ZFHX3: variants seen among roughly 807,000 people sequenced by gnomAD.
ZFHX3 encodes zinc finger homeobox 3.
A neutral mutation model predicts 279.1 loss-of-function variants in ZFHX3; 42 were observed. That is an observed-to-expected ratio of 0.15 (90% CI 0.12 to 0.19). ZFHX3 has a LOEUF of 0.19. Among genes scored for constraint, ZFHX3 ranks in the 10% least tolerant of loss-of-function variants. The pLI is 1.00. For missense variants in ZFHX3, 4,981 were observed against 4,754.0 expected (o/e 1.05, Z -1.40); for synonymous variants, 2,293 against 1,957.8 (o/e 1.17, Z -4.52).
intron 1 of ZFHX3, among the ~76,000 whole-genome samples, chr16:73,725,826 C>A (rs1037310621): frequency 6.6e-6 from 1 of 152,186 alleles, no homozygotes; most frequent in Non-Finnish European, 1.5e-5. Context: ...AGGCACCATA[C>A]CTTTATGCCA....
intron 1 of ZFHX3, among the ~76,000 whole-genome samples, chr16:73,816,473 G>A (rs571216490): frequency 1.3e-5 from 2 of 152,258 alleles, no homozygotes; most frequent in South Asian, 2.1e-4. Context: ...ATTCATTTAT[G>A]TATCATCTGT....
chr16:73,161,914 C>T (rs979960563), intron 5 of ZFHX3, among the ~76,000 whole-genome samples: 6 of 152,170 alleles, frequency 3.9e-5, no homozygotes, highest in Non-Finnish European at 8.8e-5. Flanking sequence ...AGGGGTGTGT[C>T]TCTAAGAAAC....
At chr16:73,257,985 C>T (rs1387440931) in intron 4 of ZFHX3, among the ~76,000 whole-genome samples, 2 of 152,294 alleles carry the variant, frequency 1.3e-5, no homozygotes, top group Non-Finnish European at 2.9e-5. Flanking sequence ...GCATTTCTGG[C>T]CTCCAGATGC....
chr16:72,837,391 A>G (rs2037219112), intron 4 of ZFHX3, among the ~76,000 whole-genome samples: 1 of 152,116 alleles, frequency 6.6e-6, no homozygotes, highest in Admixed American at 6.5e-5. Context: ...AACAGATTTC[A>G]GCCCTCTAAA....
At chr16:73,019,635 C>T (rs558490861) in intron 1 of ZFHX3, among the ~76,000 whole-genome samples, 14 of 152,322 alleles carry the variant, frequency 9.2e-5, no homozygotes, top group South Asian at 2.1e-4. Flanking sequence ...AGACTGTCTG[C>T]TCTAAAGGGC....
chr16:73,136,047 G>A (rs377247774), intron 6 of ZFHX3, among the ~76,000 whole-genome samples: 3 of 152,136 alleles, frequency 2.0e-5, no homozygotes, highest in South Asian at 4.2e-4. Flanking sequence ...TAGTAGAGAC[G>A]GGGTTTAACC....
In ZFHX3 at chr16:72,889,914, G is replaced by T. The variant is rs1463790531; in HGVS notation, c.3265C>A (p.His1089Asn). ...SGVEGESCYY[H>N]CVLCNYSTKA... The stretch of plus-strand genomic sequence containing the variant: ...GTGGAGTAGTTGCACAGAACGCAGT[G>T]GTAGTAGCAGCTCTCACCTTCTACA... The change falls in exon 4 of 10, where the codon CAC (histidine) becomes AAC (asparagine). Residue 1089 changes from histidine (H) to asparagine (N), a missense_variant. Transcript: ENST00000268489. The T allele has an allele frequency of 3.7e-6, 6 of 1,614,114 alleles. No homozygotes were observed. The highest frequency in any genetic ancestry group is 4.2e-6 in the Non-Finnish European group (5 of 1,180,036).
chr16:73,592,322 A>G (rs1332902532), intron 2 of ZFHX3, among the ~76,000 whole-genome samples: 3 of 152,220 alleles, frequency 2.0e-5, no homozygotes, highest in African/African-American at 7.2e-5. Context: ...AAATAAAAAC[A>G]TGTACAGATT....
chr16:72,874,468 C>T (rs2038255331), intron 4 of ZFHX3, among the ~76,000 whole-genome samples: 1 of 152,046 alleles, frequency 6.6e-6, no homozygotes, highest in African/African-American at 2.4e-5. Context: ...TCCCAAAGTG[C>T]TGAGATTGTA....
intron 5 of ZFHX3, among the ~76,000 whole-genome samples, chr16:72,820,519 G>A (rs1191220598): frequency 6.6e-6 from 1 of 152,202 alleles, no homozygotes; most frequent in African/African-American, 2.4e-5. Flanking sequence ...CTGCCACCGT[G>A]AGCCCGGCTC....
At chr16:73,888,008 A>C (rs2030404933) in intron 1 of ZFHX3, among the ~76,000 whole-genome samples, 1 of 152,204 alleles carries the variant, frequency 6.6e-6, no homozygotes, top group Non-Finnish European at 1.5e-5. Context: ...CAAACTCAGC[A>C]GCAAGATAAA....
intron 4 of ZFHX3, among the ~76,000 whole-genome samples, chr16:73,299,952 C>T (rs1020374962): frequency 6.6e-6 from 1 of 152,152 alleles, no homozygotes; most frequent in Non-Finnish European, 1.5e-5. Flanking sequence ...TTTGTGTTCT[C>T]ATCTGAAGTC....
intron 2 of ZFHX3, among the ~76,000 whole-genome samples, chr16:73,653,877 T>G (rs1567543324): frequency 6.6e-6 from 1 of 152,082 alleles, no homozygotes; most frequent in Non-Finnish European, 1.5e-5. Flanking sequence ...CTGCAGATGG[T>G]GCCATCATTA....
At chr16:72,957,180 A>G (rs1961289467) in intron 2 of ZFHX3, among the ~76,000 whole-genome samples, 1 of 152,244 alleles carries the variant, frequency 6.6e-6, no homozygotes, top group East Asian at 1.9e-4. Context: ...AAACACTCAC[A>G]TTTTAATCCT....
intron 1 of ZFHX3, among the ~76,000 whole-genome samples, chr16:73,057,535 C>CAA (rs60945619): frequency 8.8e-5 from 11 of 125,254 alleles, no homozygotes; most frequent in African/African-American, 2.4e-4. Flanking sequence ...TTCGCGAGAG[C>CAA]AAAAAAAAAA....
chr16:72,857,695 AAAAAC>A (rs59492312), intron 4 of ZFHX3, among the ~76,000 whole-genome samples: 2 of 151,828 alleles, frequency 1.3e-5, no homozygotes, highest in South Asian at 2.1e-4. Context: ...TGTAATTGAC[AAAAAC>A]AAAACAAAAC....
chr16:73,847,916 T>G (rs903205886), intron 1 of ZFHX3, among the ~76,000 whole-genome samples: 4 of 145,288 alleles, frequency 2.8e-5, no homozygotes, highest in East Asian at 4.0e-4. Context: ...TTTTTTTTTT[T>G]TTTTTTTTTT....
chr16:73,804,714 T>C (rs572387081), intron 1 of ZFHX3, among the ~76,000 whole-genome samples: 3 of 152,040 alleles, frequency 2.0e-5, no homozygotes, highest in African/African-American at 7.2e-5. Context: ...CTGGGAGAAA[T>C]GCAGCTGCTT....
intron 3 of ZFHX3, among the ~76,000 whole-genome samples, chr16:72,935,087 G>T (rs1960046438): frequency 6.6e-6 from 1 of 152,200 alleles, no homozygotes; most frequent in African/African-American, 2.4e-5. Context: ...ATATGTATGT[G>T]CTGGGTCACT....
Sources: allele counts gnomAD v4.1 joint callset (sites outside exome capture counted in the v4.1 genomes callset), GRCh38; gene constraint gnomAD v4.1.1; transcripts MANE v1.5; gene names NCBI Gene and HGNC (gene_info 2026-07-23, HGNC 2026-07-21).